ABTB3: variants seen among roughly 807,000 people sequenced by gnomAD.
The protein encoded by ABTB3 is ankyrin repeat and BTB domain containing 3, also known as ankyrin repeat- and BTB/POZ domain-containing protein 3.
At chr12:107,388,139 T>G in the ABTB3 span, among the ~76,000 whole-genome samples, 1 of 151,894 alleles carries the variant, frequency 6.6e-6, no homozygotes, top group Non-Finnish European at 1.5e-5. Context: ...CACCTGCTAA[T>G]TTTTGTATTT....
the ABTB3 span, among the ~76,000 whole-genome samples, chr12:107,398,162 T>C: frequency 6.9e-6 from 1 of 144,390 alleles, no homozygotes; most frequent in Non-Finnish European, 1.5e-5. Context: ...GGCATTGGGT[T>C]GGGGCTGGGG....
the ABTB3 span, among the ~76,000 whole-genome samples, chr12:107,438,800 G>A: frequency 6.6e-6 from 1 of 151,802 alleles, no homozygotes; most frequent in Admixed American, 6.6e-5. Flanking sequence ...TTATGCTGAT[G>A]GAAAAAAAAA....
chr12:107,544,083 A>G, the ABTB3 span: 8 of 1,613,890 alleles, frequency 5.0e-6, no homozygotes, highest in Middle Eastern at 1.6e-4. Flanking sequence ...ACTGCCCACA[A>G]ATGGAATGGG....
the ABTB3 span, among the ~76,000 whole-genome samples, chr12:107,647,038 G>A: frequency 6.6e-6 from 1 of 152,224 alleles, no homozygotes; most frequent in Middle Eastern, 3.4e-3. Context: ...AGCATAAAAG[G>A]CAACTTTTGG....
chr12:107,415,657 G>A, the ABTB3 span, among the ~76,000 whole-genome samples: 1 of 151,540 alleles, frequency 6.6e-6, no homozygotes, highest in Non-Finnish European at 1.5e-5. Flanking sequence ...GCAGTCATCC[G>A]AGATCACGCC....
At chr12:107,371,319 ACTGT>A in the ABTB3 span, among the ~76,000 whole-genome samples, 1 of 152,132 alleles carries the variant, frequency 6.6e-6, no homozygotes, top group South Asian at 2.1e-4. Context: ...ACAGCCTCAC[ACTGT>A]CTGTCTAGTC....
At chr12:107,643,689 T>C in the ABTB3 span, among the ~76,000 whole-genome samples, 1 of 151,642 alleles carries the variant, frequency 6.6e-6, no homozygotes, top group Admixed American at 6.6e-5. Context: ...GAGGAAATGT[T>C]TGTGGAGCCA....
chr12:107,414,771 G>A, the ABTB3 span, among the ~76,000 whole-genome samples: 1 of 147,662 alleles, frequency 6.8e-6, no homozygotes, highest in Non-Finnish European at 1.5e-5. Context: ...AGTCTGGAGT[G>A]CAGTGGCGCA....
At chr12:107,364,297 T>C in the ABTB3 span, among the ~76,000 whole-genome samples, 1 of 151,968 alleles carries the variant, frequency 6.6e-6, no homozygotes, top group Non-Finnish European at 1.5e-5. Context: ...CTTTTTTCTT[T>C]TTTTTTAATG....
the ABTB3 span, among the ~76,000 whole-genome samples, chr12:107,652,602 A>C: frequency 5.9e-5 from 9 of 152,290 alleles, no homozygotes; most frequent in South Asian, 6.2e-4. Context: ...AGCTTGCTGA[A>C]TGCCAGTGTA....
At chr12:107,516,248 G>A in the ABTB3 span, among the ~76,000 whole-genome samples, 5 of 146,194 alleles carry the variant, frequency 3.4e-5, no homozygotes, top group East Asian at 7.9e-4. Context: ...TTATTTTTTT[G>A]GAGACAGAGT....
the ABTB3 span, among the ~76,000 whole-genome samples, chr12:107,478,392 A>C: frequency 2.6e-5 from 4 of 152,334 alleles, no homozygotes; most frequent in South Asian, 8.3e-4. Context: ...ACATGGGTCT[A>C]GTGTACTGCA....
the ABTB3 span, chr12:107,618,188 A>G: frequency 6.2e-7 from 1 of 1,614,122 alleles, no homozygotes; most frequent in South Asian, 1.1e-5. Context: ...TCGCCCAGCC[A>G]GAGAAGGAGA....
chr12:107,369,789 CAG>C, the ABTB3 span, among the ~76,000 whole-genome samples: 1 of 121,812 alleles, frequency 8.2e-6, no homozygotes, highest in African/African-American at 3.1e-5. Flanking sequence ...AGAAATAAAA[CAG>C]AATGAGTTTT....
the ABTB3 span, among the ~76,000 whole-genome samples, chr12:107,553,188 A>T: frequency 4.6e-5 from 7 of 152,182 alleles, no homozygotes. Context: ...AATGGTGGGG[A>T]TTATTCTCTA....
chr12:107,441,774 C>CAAAAAAAAAAAAA, the ABTB3 span, among the ~76,000 whole-genome samples: 221 of 79,976 alleles, frequency 2.8e-3, 14 homozygotes, highest in African/African-American at 8.6e-3. Flanking sequence ...CTTGTCTCTA[C>CAAAAAAAAAAAAA]AAAAAAAAAA....
chr12:107,453,020 T>C, the ABTB3 span, among the ~76,000 whole-genome samples: 1 of 152,070 alleles, frequency 6.6e-6, no homozygotes, highest in Non-Finnish European at 1.5e-5. Context: ...AGTTGTGACA[T>C]TTCTGGTGAG....
the ABTB3 span, among the ~76,000 whole-genome samples, chr12:107,410,327 G>C: frequency 1.3e-5 from 2 of 152,162 alleles, no homozygotes; most frequent in Non-Finnish European, 2.9e-5. Flanking sequence ...TGGCTGTGTG[G>C]TGTGTTTAGG....
the ABTB3 span, among the ~76,000 whole-genome samples, chr12:107,392,521 C>T: frequency 6.6e-6 from 1 of 152,184 alleles, no homozygotes; most frequent in Non-Finnish European, 1.5e-5. Flanking sequence ...AGATCGTTCT[C>T]ATTCCCGAGC....
Sources: gnomAD v4.1 joint callset for allele counts (sites outside exome capture counted in the v4.1 genomes callset) on GRCh38, gnomAD v4.1.1 for gene constraint, MANE v1.5 for transcripts, NCBI Gene and HGNC (gene_info 2026-07-23, HGNC 2026-07-21) for gene names.